The following SHTN1 variants were observed in gnomAD, a reference collection of about 807,000 sequenced individuals.
SHTN1 encodes the protein shootin 1.
Under a neutral mutation model 83.1 loss-of-function variants are expected in SHTN1, and 42 were observed. That is an observed-to-expected ratio of 0.51 (90% confidence interval 0.39 to 0.65). SHTN1 has a LOEUF of 0.65. Ranked by LOEUF, SHTN1 falls within the 30% of genes least tolerant of loss-of-function variation. SHTN1 has a pLI of 0.00. For synonymous variants in SHTN1, 224 were observed against 247.7 expected, an observed-to-expected ratio of 0.90 and a Z score of 0.90; for missense variants, 622 against 737.8, an observed-to-expected ratio of 0.84 and a Z score of 1.82.
intron 2 of SHTN1, among the ~76,000 whole-genome samples, chr10:117,042,988 C>T (rs1468358840): frequency 6.6e-6 from 1 of 152,086 alleles, no homozygotes; most frequent in Non-Finnish European, 1.5e-5. Flanking sequence ...CTAAAACTCT[C>T]TGTAAGAACA....
At chr10:116,948,595 T>G (rs1410479235) in intron 7 of SHTN1, among the ~76,000 whole-genome samples, 1 of 152,146 alleles carries the variant, frequency 6.6e-6, no homozygotes, top group Non-Finnish European at 1.5e-5. Flanking sequence ...CTAAATAACC[T>G]ACCAAACATA....
intron 4 of SHTN1, among the ~76,000 whole-genome samples, chr10:116,959,603 T>C (rs939896616): frequency 3.9e-5 from 6 of 152,352 alleles, no homozygotes; most frequent in South Asian, 2.1e-4. Flanking sequence ...TCTGATGAGA[T>C]AGAATGTAGA....
chr10:117,048,550 C>A, intron 1 of SHTN1: 1 of 832,292 alleles, frequency 1.2e-6, no homozygotes. Context: ...TTCTAAAATA[C>A]TGTAATTACA....
chr10:116,892,610 T>C (rs1470023381), intron 16 of SHTN1, among the ~76,000 whole-genome samples: 1 of 152,212 alleles, frequency 6.6e-6, no homozygotes, highest in Non-Finnish European at 1.5e-5. Flanking sequence ...TTCAGGAAAA[T>C]ACTGTTTTAA....
In SHTN1 at chr10:116,924,744, C is replaced by CTTT. The variant is rs1564879304; in HGVS notation, c.1112+3047_1112+3048insAAA. On this transcript the variant is annotated intron_variant, in intron 11 of 16. Coordinates refer to ENST00000355371, the MANE Select transcript of SHTN1 (RefSeq NM_001127211.3). ...GAACATTTCAGTGGAGAATTTTCAC[C>CTTT]TATTTTTTTTTTTTTTTTTTTTTTT... 1.0e-4 allele frequency among the ~76,000 whole-genome samples: 14 copies of CTTT among 133,734 alleles called. 1 individual carries two copies. Among genetic ancestry groups the CTTT allele is most frequent in the South Asian group, 2.4e-4 (1 of 4,142 alleles). The allele number at this position is 133,734 out of a possible 152,430, so 87.7% of individuals were successfully genotyped here.
intron 1 of SHTN1, among the ~76,000 whole-genome samples, chr10:117,003,861 T>C (rs555617962): frequency 3.3e-5 from 5 of 152,200 alleles, no homozygotes; most frequent in African/African-American, 4.8e-5. Flanking sequence ...TTTAAATCTG[T>C]ATGGTTCCTC....
At chr10:116,931,309 C>T (rs528379161) in intron 9 of SHTN1, among the ~76,000 whole-genome samples, 53 of 152,186 alleles carry the variant, frequency 3.5e-4, no homozygotes, top group African/African-American at 3.9e-4. Context: ...AGTGCAGTGG[C>T]GCGATCTGGG....
chr10:117,006,131 G>T (rs2133550806), upstream of SHTN1, among the ~76,000 whole-genome samples: 1 of 152,238 alleles, frequency 6.6e-6, no homozygotes, highest in East Asian at 1.9e-4. Flanking sequence ...AACTTCATCT[G>T]AAGAATAGGA....
chr10:116,988,062 C>G (rs890687544), intron 1 of SHTN1, among the ~76,000 whole-genome samples: 2 of 151,982 alleles, frequency 1.3e-5, no homozygotes, highest in Non-Finnish European at 2.9e-5. Flanking sequence ...TTGTCCAAAC[C>G]CATAGAACGT....
chr10:116,919,507 C>T (rs998403534), intron 12 of SHTN1, among the ~76,000 whole-genome samples: 3 of 151,992 alleles, frequency 2.0e-5, no homozygotes, highest in Admixed American at 6.6e-5. Flanking sequence ...GTCCTAAAAC[C>T]GGGGGTTAAG....
At chr10:116,978,990 T>C (rs914478891) in intron 2 of SHTN1, among the ~76,000 whole-genome samples, 3 of 152,208 alleles carry the variant, frequency 2.0e-5, no homozygotes, top group Admixed American at 6.5e-5. Context: ...GGGACTTGAG[T>C]TGCTTGGCCT....
At chr10:117,056,837 T>C (rs922201850) in intron 1 of SHTN1, among the ~76,000 whole-genome samples, 3 of 151,694 alleles carry the variant, frequency 2.0e-5, no homozygotes, top group African/African-American at 4.8e-5. Flanking sequence ...CAAAACAAAA[T>C]AAAAACAAAA....
chr10:117,090,886 G>T (rs1025931913), intron 1 of SHTN1, among the ~76,000 whole-genome samples: 4 of 152,072 alleles, frequency 2.6e-5, no homozygotes, highest in African/African-American at 9.7e-5. Context: ...AGAAGAATAA[G>T]AAAAAGGATC....
chr10:116,932,721 A>G (rs1849016179), intron 9 of SHTN1, among the ~76,000 whole-genome samples: 3 of 152,350 alleles, frequency 2.0e-5, no homozygotes, highest in Non-Finnish European at 2.9e-5. Context: ...TAACCCTATC[A>G]TAAGTCAAGG....
At chr10:117,038,170 A>G (rs1852529148) in intron 2 of SHTN1, among the ~76,000 whole-genome samples, 1 of 151,938 alleles carries the variant, frequency 6.6e-6, no homozygotes, top group Non-Finnish European at 1.5e-5. Context: ...AGACAGGGTC[A>G]TGCTCTGTCA....
chr10:117,023,527 A>AT (rs1190914262), intron 2 of SHTN1: 9 of 152,698 alleles, frequency 5.9e-5, no homozygotes, highest in African/African-American at 2.2e-4. Flanking sequence ...AAATAGCACC[A>AT]TAACAAATGA....
chr10:117,049,168 T>C (rs1852707975), intron 1 of SHTN1, among the ~76,000 whole-genome samples: 1 of 152,134 alleles, frequency 6.6e-6, no homozygotes, highest in Non-Finnish European at 1.5e-5. Flanking sequence ...ACAGAGATGT[T>C]TGCAGTCATG....
chr10:116,923,820 G>A (rs966273534), intron 11 of SHTN1, among the ~76,000 whole-genome samples: 2 of 152,124 alleles, frequency 1.3e-5, no homozygotes, highest in African/African-American at 2.4e-5. Context: ...CAAAAGGCTG[G>A]GATTACAGGC....
At chr10:117,103,236 C>A (rs1240856121) in intron 1 of SHTN1, among the ~76,000 whole-genome samples, 1 of 151,930 alleles carries the variant, frequency 6.6e-6, no homozygotes, top group Admixed American at 6.6e-5. Flanking sequence ...ATTACAGGTG[C>A]ACACCACCAC....
Sources: gnomAD v4.1 joint callset for allele counts (sites outside exome capture counted in the v4.1 genomes callset) on GRCh38, gnomAD v4.1.1 for gene constraint, MANE v1.5 for transcripts, NCBI Gene and HGNC (gene_info 2026-07-23, HGNC 2026-07-21) for gene names.